The following ADGB variants were observed in gnomAD, a reference collection of about 807,000 sequenced individuals.
The protein encoded by ADGB is calpain-7-like protein.
Under a neutral mutation model 210.5 loss-of-function variants are expected in ADGB, and 172 were observed. That is an observed-to-expected ratio of 0.82 (90% confidence interval 0.72 to 0.93). ADGB has a LOEUF of 0.93. ADGB is among the 40% of genes least tolerant of loss of function. The pLI is 0.00. For synonymous variants in ADGB, 658 were observed against 662.7 expected, an observed-to-expected ratio of 0.99 and a Z score of 0.11; for missense variants, 2,025 against 1,964.8, an observed-to-expected ratio of 1.03 and a Z score of -0.58.
chr6:146,660,934 G>T (rs1373243443), intron 5 of ADGB, among the ~76,000 whole-genome samples: 1 of 152,046 alleles, frequency 6.6e-6, no homozygotes, highest in African/African-American at 2.4e-5. Context: ...TATTTTGTGT[G>T]TGTTACTTTG....
chr6:146,663,975 A>G (rs1031040503), intron 5 of ADGB, among the ~76,000 whole-genome samples: 1 of 152,114 alleles, frequency 6.6e-6, no homozygotes, highest in East Asian at 1.9e-4. Flanking sequence ...ATAAGTAAAG[A>G]CAATATTGAT....
intron 16 of ADGB, among the ~76,000 whole-genome samples, chr6:146,718,423 C>T (rs1776767476): frequency 6.6e-6 from 1 of 151,852 alleles, no homozygotes; most frequent in Non-Finnish European, 1.5e-5. Flanking sequence ...TGCCTCCCAC[C>T]CTCCCAACTT....
chr6:146,602,986 T>C (rs1485358980), intron 1 of ADGB, among the ~76,000 whole-genome samples: 5 of 152,202 alleles, frequency 3.3e-5, no homozygotes, highest in Non-Finnish European at 7.3e-5. Context: ...TCTGTCTTTT[T>C]GTATCCTCAC....
rs1189474705 is a variant in ADGB at position 146,815,174 on chromosome 6, C to G, written c.4961C>G (p.Pro1654Arg). The change falls in exon 36 of 36, where the codon CCA becomes CGA. Residue 1654 changes from proline (P) to arginine (R), a missense_variant. Pro to Arg is a moderately radical substitution (Grantham distance 103). Transcript: ENST00000397944. ...AMKLETEKMT[P>R]APDTQKKKKG... Reference sequence around the variant, plus strand: ...AAGCTGGAGACAGAAAAGATGACCCCAGCTCCTGACACACAGAAAAAAAAG... The same window carrying G: ...AAGCTGGAGACAGAAAAGATGACCCGAGCTCCTGACACACAGAAAAAAAAG... 6.6e-7 allele frequency: 1 copy of G among 1,517,098 alleles called. No individual in the cohort carries two copies. The highest frequency in any genetic ancestry group is 8.8e-7 in the Non-Finnish European group (1 of 1,138,570). 94.0% of individuals were successfully genotyped at this position (1,517,098 alleles called of 1,614,324 possible).
chr6:146,732,134 T>C (rs139453822), intron 20 of ADGB, among the ~76,000 whole-genome samples: 2 of 152,316 alleles, frequency 1.3e-5, no homozygotes, highest in East Asian at 3.9e-4. Context: ...TTCCAGACTA[T>C]TCTCAGTGAT....
intron 13 of ADGB, among the ~76,000 whole-genome samples, chr6:146,702,430 C>T (rs925176657): frequency 6.6e-6 from 1 of 151,768 alleles, no homozygotes; most frequent in African/African-American, 2.4e-5. Context: ...AAAATCAGAC[C>T]TTGGCAATGA....
Position 146,782,079 on chromosome 6 carries a change from A to G in ADGB, c.3922A>G (p.Ser1308Gly). 6.5e-7 allele frequency: 1 copy of G among 1,547,908 alleles called. No homozygotes were observed. The highest frequency in any genetic ancestry group is 1.7e-4 in the Middle Eastern group (1 of 5,986). ...AGGAAGCCCAGACTCCCACACTATT[A>G]GTGAGGGACAAAAATCTTCAGTAAC... ...NLGSPDSHTISEGQKSSVTSK... is the reference protein window; with the variant it reads ...NLGSPDSHTIGEGQKSSVTSK... Residue 1308 changes from serine to glycine, a missense_variant, in exon 30 of 36, where the codon AGT (serine) becomes GGT (glycine). Ser to Gly is a moderately conservative substitution (Grantham distance 56). Coordinates refer to ENST00000397944, the MANE Select transcript of ADGB (RefSeq NM_024694.4).
At chr6:146,800,933 A>G (rs903949620) in intron 33 of ADGB, among the ~76,000 whole-genome samples, 5 of 152,070 alleles carry the variant, frequency 3.3e-5, no homozygotes, top group African/African-American at 1.2e-4. Context: ...TTAGAATAGC[A>G]TTTTTTAAAT....
At chr6:146,696,895 T>A (rs1241122873) in intron 12 of ADGB, among the ~76,000 whole-genome samples, 1 of 152,176 alleles carries the variant, frequency 6.6e-6, no homozygotes, top group African/African-American at 2.4e-5. Context: ...GGAAAATCTG[T>A]CTGTCTTTAC....
At chr6:146,809,454 C>T (rs550592967) in intron 35 of ADGB, among the ~76,000 whole-genome samples, 12 of 152,150 alleles carry the variant, frequency 7.9e-5, no homozygotes, top group Admixed American at 6.5e-5. Context: ...GATCCACCCC[C>T]CTCGGCCTCC....
chr6:146,652,694 G>T lies in ADGB; in HGVS notation c.331-1441G>T, dbSNP rs115198734. 9.8e-3 allele frequency among the ~76,000 whole-genome samples: 1,492 copies of T among 151,802 alleles called. 26 individuals carry two copies. Among genetic ancestry groups the T allele is most frequent in the African/African-American group, 0.034 (1,405 of 41,378 alleles). On this transcript the variant is annotated intron_variant, in intron 3 of 35. Coordinates refer to ENST00000397944, the MANE Select transcript of ADGB (RefSeq NM_024694.4). ...TTAAAATAATTTTTTAATCTAACAG[G>T]ATATTAACTTGAACAAGATTTTAAA... is the stretch of plus-strand genomic sequence containing the variant.
At chr6:146,665,963 T>C (rs1775932386) in intron 6 of ADGB, among the ~76,000 whole-genome samples, 1 of 152,114 alleles carries the variant, frequency 6.6e-6, no homozygotes. Context: ...TTTAGACTAG[T>C]CTGGGATCTA....
chr6:146,631,973 A>AC (rs1229976587), intron 1 of ADGB, among the ~76,000 whole-genome samples: 41 of 151,164 alleles, frequency 2.7e-4, no homozygotes, highest in African/African-American at 8.5e-4. Context: ...TAAAAAAAAA[A>AC]AAAAACAAAA....
intron 1 of ADGB, among the ~76,000 whole-genome samples, chr6:146,632,786 C>T (rs1299388851): frequency 6.6e-6 from 1 of 152,096 alleles, no homozygotes; most frequent in Admixed American, 6.6e-5. Flanking sequence ...ATATTTGTTC[C>T]TGCTACATAA....
At chr6:146,704,727 C>T (rs1434046653) in intron 13 of ADGB, among the ~76,000 whole-genome samples, 2 of 152,004 alleles carry the variant, frequency 1.3e-5, no homozygotes, top group Non-Finnish European at 2.9e-5. Context: ...ATGCCTCCTG[C>T]TTTGTTCTTT....
chr6:146,795,809 G>C (rs1275966898), intron 33 of ADGB, among the ~76,000 whole-genome samples: 6 of 152,084 alleles, frequency 3.9e-5, no homozygotes, highest in African/African-American at 7.2e-5. Context: ...GTTCATTGCA[G>C]CACTACTCAG....
intron 26 of ADGB, 36 bp downstream of exon 26, chr6:146,746,145 T>A (rs372636031): frequency 2.4e-5 from 33 of 1,350,550 alleles, no homozygotes; most frequent in Middle Eastern, 2.0e-4. Flanking sequence ...AGGCATTTTT[T>A]AAAAAATATT....
At chr6:146,717,236 T>G (rs2114566289) in intron 15 of ADGB, among the ~76,000 whole-genome samples, 167 bp downstream of exon 15, 1 of 152,352 alleles carries the variant, frequency 6.6e-6, no homozygotes, top group South Asian at 2.1e-4. Flanking sequence ...AGCCTAGTGT[T>G]GGTATAATAT....
chr6:146,728,405 G>GT (rs1776928963), intron 19 of ADGB, among the ~76,000 whole-genome samples, 169 bp from the exon 20 acceptor site: 2 of 152,232 alleles, frequency 1.3e-5, no homozygotes, highest in South Asian at 4.1e-4. Context: ...TGCGTTCCTT[G>GT]TTTTTTCTGA....
Sources: gnomAD v4.1 joint callset for allele counts (sites outside exome capture counted in the v4.1 genomes callset) on GRCh38, gnomAD v4.1.1 for gene constraint, MANE v1.5 for transcripts, NCBI Gene and HGNC (gene_info 2026-07-23, HGNC 2026-07-21) for gene names.